LDB2: variants seen among roughly 807,000 people sequenced by gnomAD.
The protein encoded by LDB2 is LIM domain-binding protein 2.
Under a neutral mutation model 44.3 loss-of-function variants are expected in LDB2, and 12 were observed. That is an observed-to-expected ratio of 0.27 (90% confidence interval 0.17 to 0.44). The LOEUF (loss-of-function observed/expected upper bound fraction) is 0.44. LDB2 is among the 20% of genes least tolerant of loss of function. LDB2 has a pLI of 1.00. For synonymous variants in LDB2, 164 were observed against 174.8 expected (o/e 0.94, Z 0.49); for missense variants, 344 against 473.5 (o/e 0.73, Z 2.54).
At chr4:16,892,695 C>CT (rs1044934364) in intron 1 of LDB2, among the ~76,000 whole-genome samples, 1 of 152,088 alleles carries the variant, frequency 6.6e-6, no homozygotes, top group African/African-American at 2.4e-5. Flanking sequence ...AGCGGGTGCT[C>CT]TGTGTTCCTC....
chr4:16,521,409 T>C (rs1345571155), intron 5 of LDB2, among the ~76,000 whole-genome samples: 1 of 152,084 alleles, frequency 6.6e-6, no homozygotes, highest in African/African-American at 2.4e-5. Context: ...TCCTCTCCTC[T>C]TCTTATAAGG....
intron 1 of LDB2, among the ~76,000 whole-genome samples, chr4:16,883,199 G>A (rs1720668252): frequency 6.6e-6 from 1 of 152,212 alleles, no homozygotes; most frequent in Non-Finnish European, 1.5e-5. Flanking sequence ...AGGCTCAGAA[G>A]AGGGCCAAAA....
At chr4:16,821,392 T>TG in intron 1 of LDB2, among the ~76,000 whole-genome samples, 1 of 150,230 alleles carries the variant, frequency 6.7e-6, no homozygotes, top group South Asian at 2.1e-4. Flanking sequence ...TTTTTATTTT[T>TG]TTTTTTTTGG....
chr4:16,608,125 T>G (rs887488360), intron 2 of LDB2, among the ~76,000 whole-genome samples: 4 of 151,378 alleles, frequency 2.6e-5, no homozygotes, highest in African/African-American at 7.3e-5. Flanking sequence ...GACAACTTAG[T>G]TTTGATGGGG....
intron 2 of LDB2, among the ~76,000 whole-genome samples, chr4:16,686,311 A>G (rs1749229231): frequency 6.6e-6 from 1 of 152,222 alleles, no homozygotes; most frequent in Non-Finnish European, 1.5e-5. Context: ...AAGTTTTATT[A>G]TTTTTACTGT....
chr4:16,695,892 G>A lies in LDB2; in HGVS notation c.235+63266C>T, dbSNP rs559593194. On this transcript the variant is annotated intron_variant, in intron 2 of 7. Transcript: ENST00000304523. Reference sequence around the variant, plus strand: ...GCCTGCAGACCATACACAAACAGAGGTTAAGCCTGATTTAGCTTCAGGCTA... The same window carrying A: ...GCCTGCAGACCATACACAAACAGAGATTAAGCCTGATTTAGCTTCAGGCTA... Among the ~76,000 whole-genome samples the A allele has an allele frequency of 2.0e-5, 3 of 152,274 alleles. No individual in the cohort carries two copies. The South Asian group carries it at 6.2e-4, about 32-fold the overall frequency.
chr4:16,669,994 G>T (rs1286350071), intron 2 of LDB2, among the ~76,000 whole-genome samples: 1 of 152,228 alleles, frequency 6.6e-6, no homozygotes, highest in Non-Finnish European at 1.5e-5. Context: ...ATCCATGGCT[G>T]CTTTCGTGCT....
chr4:16,502,541 G>T lies in LDB2; in HGVS notation c.*102C>A. The T allele has an allele frequency of 1.4e-6, 2 of 1,445,644 alleles. No individual in the cohort carries two copies. Among genetic ancestry groups the T allele is most frequent in the Non-Finnish European group, 9.5e-7 (1 of 1,052,250 alleles). The allele number at this position is 1,445,644 out of a possible 1,614,324, so 89.6% of individuals were successfully genotyped here. A position where few individuals can be genotyped will look rare whatever the true frequency, so the allele number is the denominator to read the frequency against. ...TGGTTTAGAAATAGATATTTGCATG[G>T]AAAAGTTTTTATCTCTTCTGTTTCC... is the stretch of plus-strand genomic sequence containing the variant. On this transcript the variant is annotated 3_prime_UTR_variant, in exon 8 of 8. Coordinates refer to ENST00000304523, the MANE Select transcript of LDB2 (RefSeq NM_001290.5).
chr4:16,872,802 T>A (rs569119314), intron 1 of LDB2, among the ~76,000 whole-genome samples: 5 of 152,336 alleles, frequency 3.3e-5, no homozygotes, highest in African/African-American at 4.8e-5. Flanking sequence ...TGACTATTAA[T>A]TAACTTTCAG....
At chr4:16,701,196 A>T (rs1313356811) in intron 2 of LDB2, among the ~76,000 whole-genome samples, 1 of 152,220 alleles carries the variant, frequency 6.6e-6, no homozygotes, top group African/African-American at 2.4e-5. Flanking sequence ...TGTGATTCTA[A>T]TTCTACCTGA....
chr4:16,606,093 C>A (rs547587312), intron 2 of LDB2, among the ~76,000 whole-genome samples: 27 of 152,172 alleles, frequency 1.8e-4, no homozygotes, highest in Admixed American at 1.5e-3. Context: ...TGTTCCCTAG[C>A]CTTTAGATTT....
intron 1 of LDB2, among the ~76,000 whole-genome samples, chr4:16,891,698 A>C (rs955092238): frequency 6.6e-6 from 1 of 152,140 alleles, no homozygotes; most frequent in Non-Finnish European, 1.5e-5. Context: ...ATCCCTTGGA[A>C]TTTCACTTGG....
At chr4:16,626,575 A>G (rs1208163369) in intron 2 of LDB2, among the ~76,000 whole-genome samples, 1 of 152,002 alleles carries the variant, frequency 6.6e-6, no homozygotes, top group Non-Finnish European at 1.5e-5. Context: ...GGCAAATACA[A>G]CTTGCACTTA....
At chr4:16,616,378 A>G (rs1007492790) in intron 2 of LDB2, among the ~76,000 whole-genome samples, 1 of 152,170 alleles carries the variant, frequency 6.6e-6, no homozygotes, top group East Asian at 1.9e-4. Flanking sequence ...TTCAATACAT[A>G]GGGAATAAAT....
intron 2 of LDB2, among the ~76,000 whole-genome samples, chr4:16,631,210 AG>A (rs555157692): frequency 3.4e-4 from 51 of 152,224 alleles, no homozygotes; most frequent in Non-Finnish European, 6.5e-4. Context: ...CAAAGGTAAA[AG>A]AACAGAAATC....
intron 1 of LDB2, among the ~76,000 whole-genome samples, chr4:16,788,571 C>T (rs900741727): frequency 6.6e-6 from 1 of 152,204 alleles, no homozygotes; most frequent in African/African-American, 2.4e-5. Context: ...CAAGCCATCC[C>T]AACCCCTATG....
intron 2 of LDB2, among the ~76,000 whole-genome samples, chr4:16,742,532 G>A (rs1763519790): frequency 6.6e-6 from 1 of 152,136 alleles, no homozygotes; most frequent in South Asian, 2.1e-4. Context: ...CCTAAGTTTG[G>A]AATTCTCTGT....
chr4:16,643,230 C>G (rs1407786110), intron 2 of LDB2, among the ~76,000 whole-genome samples: 1 of 152,100 alleles, frequency 6.6e-6, no homozygotes, highest in Admixed American at 6.5e-5. Context: ...ATGGAGGCTC[C>G]ATATGTGCTA....
At chr4:16,690,459 C>CAGGAAGGAAGGAAAGAAGGA (rs1750360607) in intron 2 of LDB2, among the ~76,000 whole-genome samples, 1 of 50,274 alleles carries the variant, frequency 2.0e-5, no homozygotes, top group Non-Finnish European at 3.6e-5. Flanking sequence ...GAAGACCCTG[C>CAGGAAGGAAGGAAAGAAGGA]AGGAAGGAAG....
Sources: gnomAD v4.1 joint callset for allele counts (sites outside exome capture counted in the v4.1 genomes callset) on GRCh38, gnomAD v4.1.1 for gene constraint, MANE v1.5 for transcripts, NCBI Gene and HGNC (gene_info 2026-07-23, HGNC 2026-07-21) for gene names.